Variants in NEU3 observed in about 807,000 individuals in gnomAD.
NEU3 encodes sialidase-3.
NEU3 carries 10 observed loss-of-function variants against 11.4 expected under a neutral mutation model. The observed-to-expected ratio is 0.88, with a 90% CI of 0.54 to 1.49. NEU3 has a LOEUF of 1.49. Among genes scored for constraint, NEU3 ranks in the 40% most tolerant of loss-of-function variants. The probability of loss-of-function intolerance (pLI) is 0.00; values close to 1 mark genes in which losing one functional copy is unlikely to be tolerated. For missense variants in NEU3, 529 were observed against 581.8 expected (o/e 0.91, Z 0.93); for synonymous variants, 212 against 228.2 (o/e 0.93, Z 0.64).
downstream of NEU3, among the ~76,000 whole-genome samples, chr11:75,019,814 A>G (rs1820558185): frequency 6.6e-6 from 1 of 152,178 alleles, no homozygotes; most frequent in Non-Finnish European, 1.5e-5. Context: ...CCCACACAGA[A>G]TCCCTACTAG....
chr11:74,998,260 A>G (rs1023796922), intron 2 of NEU3, among the ~76,000 whole-genome samples: 1 of 152,232 alleles, frequency 6.6e-6, no homozygotes, highest in Non-Finnish European at 1.5e-5. Flanking sequence ...AACAGATTTA[A>G]TAATAATGAC....
Position 75,008,950 on chromosome 11 carries a change from C to T in NEU3, c.*2458C>T, listed in dbSNP as rs1948928328. On this transcript the variant is annotated 3_prime_UTR_variant, in exon 3 of 3. Transcript: ENST00000294064. ...CGCAGAGATGTATAATACCAGTACT[C>T]ATAAGAGGTCCATCTCTAAATTGCC... 6.6e-6 allele frequency: 1 copy of T among 152,116 alleles called. No individual in the cohort carries two copies. Among genetic ancestry groups the T allele is most frequent in the South Asian group, 2.1e-4 (1 of 4,824 alleles). 9.4% of individuals were successfully genotyped at this position (152,116 alleles called of 1,614,324 possible). A position where few individuals can be genotyped will look rare whatever the true frequency, so the allele number is the denominator to read the frequency against.
intron 2 of NEU3, chr11:74,994,975 G>A (rs1364164336): frequency 1.6e-6 from 1 of 628,224 alleles, no homozygotes; most frequent in Non-Finnish European, 2.9e-6. Context: ...GAGACTCAGA[G>A]AGGTTGCCAT....
intron 2 of NEU3, among the ~76,000 whole-genome samples, chr11:74,997,916 G>C (rs1438730119): frequency 6.6e-6 from 1 of 152,096 alleles, no homozygotes; most frequent in Non-Finnish European, 1.5e-5. Flanking sequence ...TTTGGCACAA[G>C]AGGCCTAGCT....
In NEU3 at chr11:75,007,882, G is replaced by C. The variant is rs1017734061; in HGVS notation, c.*1390G>C. ...AACTGGTATCAACTAAATATATTTG[G>C]TGTTGTACAATGACCACAGAGAACA... On this transcript the variant is annotated 3_prime_UTR_variant, in exon 3 of 3. Coordinates refer to ENST00000294064, the MANE Select transcript of NEU3 (RefSeq NM_006656.6). 6.6e-6 allele frequency: 1 copy of C among 151,890 alleles called. No individual in the cohort carries two copies. Among genetic ancestry groups the C allele is most frequent in the African/African-American group, 2.4e-5 (1 of 41,318 alleles). The allele number at this position is 151,890 out of a possible 1,614,324, so 9.4% of individuals were successfully genotyped here. A position where few individuals can be genotyped will look rare whatever the true frequency, so the allele number is the denominator to read the frequency against.
intron 2 of NEU3, among the ~76,000 whole-genome samples, chr11:75,003,514 C>T (rs532799148): frequency 2.6e-5 from 4 of 152,264 alleles, no homozygotes; most frequent in Middle Eastern, 3.4e-3. Context: ...AACCAGAAGT[C>T]CCTTTCCTCC....
chr11:75,006,519 T>G lies in NEU3; in HGVS notation c.*27T>G. 6.3e-7 allele frequency: 1 copy of G among 1,578,020 alleles called. No homozygotes were observed. The highest frequency in any genetic ancestry group is 8.6e-7 in the Non-Finnish European group (1 of 1,162,108). On this transcript the variant is annotated 3_prime_UTR_variant, in exon 3 of 3. Coordinates refer to ENST00000294064, the MANE Select transcript of NEU3 (RefSeq NM_006656.6). Reference sequence around the variant, plus strand: ...TGGCTTAGGACCCAATTTCCATAGATGCAAATGGCAGTTACAGACAGGTTA... The same window carrying G: ...TGGCTTAGGACCCAATTTCCATAGAGGCAAATGGCAGTTACAGACAGGTTA...
At chr11:75,015,480 CAA>C (rs887924716), downstream of NEU3, among the ~76,000 whole-genome samples, 2 of 152,024 alleles carry the variant, frequency 1.3e-5, no homozygotes, top group Non-Finnish European at 2.9e-5. Flanking sequence ...TTTAAAAAAA[CAA>C]AAAAAGTTTC....
upstream of NEU3, chr11:74,988,679 C>T: frequency 3.5e-6 from 1 of 285,850 alleles, no homozygotes; most frequent in South Asian, 3.7e-5. Flanking sequence ...AATATAAGAG[C>T]TCGGGGCTGT....
At chr11:75,013,775 A>C (rs1676044134), downstream of NEU3, among the ~76,000 whole-genome samples, 1 of 152,226 alleles carries the variant, frequency 6.6e-6, no homozygotes, top group Non-Finnish European at 1.5e-5. Context: ...TTAATTCAGC[A>C]AGCCTGTTTA....
intron 2 of NEU3, 115 bp downstream of exon 2, chr11:74,994,835 G>A (rs558513187): frequency 4.9e-6 from 5 of 1,016,028 alleles, no homozygotes; most frequent in Non-Finnish European, 7.6e-6. Flanking sequence ...GTGGGGAGCA[G>A]AGGCAGAAAA....
chr11:75,003,471 T>G (rs996943341), intron 2 of NEU3, among the ~76,000 whole-genome samples: 1 of 152,260 alleles, frequency 6.6e-6, no homozygotes. Context: ...AAGTTCTCAG[T>G]GGAAGGATTG....
At chr11:74,981,934 G>A in the NEU3 span, among the ~76,000 whole-genome samples, 1 of 152,180 alleles carries the variant, frequency 6.6e-6, no homozygotes, top group East Asian at 1.9e-4. Flanking sequence ...TGAGGCTAAG[G>A]AGCAAGAGGT....
At chr11:74,989,211 G>T in intron 1 of NEU3, 57 bp downstream of exon 1, 1 of 1,387,530 alleles carries the variant, frequency 7.2e-7, no homozygotes, top group South Asian at 1.2e-5. Flanking sequence ...TGTGGGGACA[G>T]GTTGAGCAAG....
upstream of NEU3, among the ~76,000 whole-genome samples, chr11:74,984,086 A>G (rs1447704389): frequency 2.0e-5 from 3 of 152,210 alleles, no homozygotes; most frequent in Non-Finnish European, 4.4e-5. Context: ...TTAGAGTGAC[A>G]GGTGGAGTGG....
downstream of NEU3, among the ~76,000 whole-genome samples, chr11:75,012,425 G>C (rs1175638066): frequency 6.6e-6 from 1 of 152,206 alleles, no homozygotes; most frequent in African/African-American, 2.4e-5. Flanking sequence ...TGAGCATCAA[G>C]TTTAAAACGA....
At chr11:75,017,106 C>A (rs1398211339) in intron 3 of NEU3, among the ~76,000 whole-genome samples, 1 of 152,166 alleles carries the variant, frequency 6.6e-6, no homozygotes, top group Non-Finnish European at 1.5e-5. Flanking sequence ...ATCTCCACCC[C>A]TTATATGAAG....
upstream of NEU3, chr11:74,988,651 G>A (rs997002358): frequency 4.7e-6 from 1 of 213,690 alleles, no homozygotes; most frequent in Non-Finnish European, 9.4e-6. Context: ...TTTAGGCGGT[G>A]ATACCGAGCT....
the NEU3 span, among the ~76,000 whole-genome samples, chr11:74,981,817 G>A: frequency 1.3e-5 from 2 of 152,190 alleles, no homozygotes; most frequent in Non-Finnish European, 2.9e-5. Flanking sequence ...GGGGATAAAA[G>A]AAATTTGCTG....
Sources: allele counts gnomAD v4.1 joint callset (sites outside exome capture counted in the v4.1 genomes callset), GRCh38; gene constraint gnomAD v4.1.1; transcripts MANE v1.5; gene names NCBI Gene and HGNC (gene_info 2026-07-23, HGNC 2026-07-21).